GALNTL6: variants seen among roughly 807,000 people sequenced by gnomAD.
GALNTL6 encodes the protein polypeptide N-acetylgalactosaminyltransferase like 6, also known as polypeptide N-acetylgalactosaminyltransferase-like 6.
Under a neutral mutation model 73.7 loss-of-function variants are expected in GALNTL6, and 46 were observed. The ratio of observed to expected loss-of-function variants is 0.62; its 90% CI spans 0.49 to 0.80. GALNTL6 has a LOEUF of 0.80. GALNTL6 is among the 30% of genes least tolerant of loss of function. The pLI, the probability that GALNTL6 is intolerant of heterozygous loss-of-function variation, is 0.00. For synonymous variants in GALNTL6, 259 were observed against 263.7 expected, an observed-to-expected ratio of 0.98 and a Z score of 0.17; for missense variants, 604 against 755.0, an observed-to-expected ratio of 0.80 and a Z score of 2.34.
In GALNTL6 at chr4:171,943,593, T is replaced by A. The variant is rs548498746; in HGVS notation, c.138+128875T>A. 8.5e-5 allele frequency among the ~76,000 whole-genome samples: 13 copies of A among 152,332 alleles called. No homozygotes were observed. The South Asian group carries it at 1.7e-3, about 19-fold the overall frequency. ...GACCAACTAACTCTCAACTTACTTTTCTCAAGGCAATGTTATTGTAAAAGA... is the reference window on the plus strand; with the variant it reads ...GACCAACTAACTCTCAACTTACTTTACTCAAGGCAATGTTATTGTAAAAGA... On this transcript the variant is annotated intron_variant, in intron 2 of 12. Transcript: ENST00000506823.
At chr4:172,191,500 A>G (rs1399367916) in intron 2 of GALNTL6, among the ~76,000 whole-genome samples, 2 of 152,162 alleles carry the variant, frequency 1.3e-5, no homozygotes, top group Non-Finnish European at 1.5e-5. Context: ...CAAACCCCTC[A>G]GCTACTCTTA....
intron 5 of GALNTL6, among the ~76,000 whole-genome samples, chr4:172,454,843 C>T (rs1262921058): frequency 1.3e-5 from 2 of 152,222 alleles, no homozygotes; most frequent in Non-Finnish European, 2.9e-5. Flanking sequence ...CAAGTGACTT[C>T]ACAATAAGCC....
chr4:172,113,283 TCAGTG>T (rs1732904604), intron 2 of GALNTL6, among the ~76,000 whole-genome samples: 1 of 152,040 alleles, frequency 6.6e-6, no homozygotes, highest in Non-Finnish European at 1.5e-5. Flanking sequence ...ATTTAATCTA[TCAGTG>T]ATTAGCATTT....
intron 5 of GALNTL6, among the ~76,000 whole-genome samples, chr4:172,760,027 G>A (rs1183453388): frequency 6.6e-6 from 1 of 151,058 alleles, no homozygotes; most frequent in Non-Finnish European, 1.5e-5. Flanking sequence ...TAGTAGAGAC[G>A]GGGTTTCACC....
intron 5 of GALNTL6, among the ~76,000 whole-genome samples, chr4:172,502,151 T>C (rs1259538734): frequency 2.0e-5 from 3 of 152,194 alleles, no homozygotes; most frequent in African/African-American, 4.8e-5. Context: ...AAACTATTTG[T>C]ATCACAAATT....
chr4:172,564,035 A>T (rs917326006), intron 5 of GALNTL6, among the ~76,000 whole-genome samples: 4 of 152,178 alleles, frequency 2.6e-5, no homozygotes, highest in African/African-American at 9.6e-5. Context: ...TGATATTTAA[A>T]TTCCCTTGTG....
At chr4:171,850,106 C>T (rs1735477592) in intron 2 of GALNTL6, among the ~76,000 whole-genome samples, 1 of 152,178 alleles carries the variant, frequency 6.6e-6, no homozygotes, top group Non-Finnish European at 1.5e-5. Context: ...GCTGGAATTA[C>T]AGGCGCGTGC....
chr4:172,481,138 T>C (rs1335772765), intron 5 of GALNTL6, among the ~76,000 whole-genome samples: 1 of 152,136 alleles, frequency 6.6e-6, no homozygotes, highest in Non-Finnish European at 1.5e-5. Flanking sequence ...TTCTTCCTTC[T>C]GGTGGGTTCG....
chr4:172,724,905 A>G (rs899831910), intron 5 of GALNTL6, among the ~76,000 whole-genome samples: 1 of 152,170 alleles, frequency 6.6e-6, no homozygotes, highest in African/African-American at 2.4e-5. Flanking sequence ...AGGAGCTTGA[A>G]CATCATCAGG....
At position 172,447,244 on chromosome 4, in the gene GALNTL6, C is replaced by T. The variant is rs1184634974; in HGVS notation, c.553+98555C>T. 6.6e-5 allele frequency among the ~76,000 whole-genome samples: 10 copies of T among 152,128 alleles called. No homozygotes were observed. In the East Asian group the frequency reaches 1.9e-3, roughly 29 times the overall value. The stretch of plus-strand genomic sequence containing the variant: ...TCACAGAAATGTTCTTTCTTTCCTC[C>T]CTGCCTGCAGTGCCTTCACTTTGGC... On this transcript the variant is annotated intron_variant, in intron 5 of 12. Coordinates refer to ENST00000506823, the MANE Select transcript of GALNTL6 (RefSeq NM_001034845.3).
At chr4:172,599,404 T>C (rs758330946) in intron 5 of GALNTL6, among the ~76,000 whole-genome samples, 14 of 152,228 alleles carry the variant, frequency 9.2e-5, no homozygotes, top group Non-Finnish European at 1.6e-4. Context: ...AAAAAACGAC[T>C]TGATTGGTCT....
intron 7 of GALNTL6, among the ~76,000 whole-genome samples, chr4:172,826,870 C>CT (rs1249126623): frequency 2.6e-5 from 4 of 152,258 alleles, no homozygotes; most frequent in African/African-American, 9.6e-5. Flanking sequence ...ATTCAAAAGT[C>CT]TAACTCCATG....
At chr4:172,423,676 A>G (rs2111366866) in intron 5 of GALNTL6, among the ~76,000 whole-genome samples, 1 of 152,128 alleles carries the variant, frequency 6.6e-6, no homozygotes, top group African/African-American at 2.4e-5. Flanking sequence ...CTTACTTATA[A>G]TTTTTTCCTC....
At chr4:172,140,382 A>G (rs1418760617) in intron 2 of GALNTL6, among the ~76,000 whole-genome samples, 1 of 152,092 alleles carries the variant, frequency 6.6e-6, no homozygotes, top group African/African-American at 2.4e-5. Flanking sequence ...CCTCTCACAG[A>G]TAATATCAGA....
Position 172,220,326 on chromosome 4 carries a change from A to G in GALNTL6, c.139-9330A>G, listed in dbSNP as rs993779390. Among the ~76,000 whole-genome samples, 8 of 151,900 alleles carry G rather than the reference A, an allele frequency of 5.3e-5. No individual in the cohort carries two copies. The South Asian group carries it at 6.2e-4, about 12-fold the overall frequency. On this transcript the variant is annotated intron_variant, in intron 2 of 12. Transcript: ENST00000506823. ...GAGGGCTTCCTTCTACTTGAATATA[A>G]TGTCCCTCAGAACTGCTATTTCTTT... is the stretch of plus-strand genomic sequence containing the variant.
rs556320260 is a variant in GALNTL6, at chr4:171,941,647, A to G, written c.138+126929A>G. Reference sequence around the variant, plus strand: ...TAGATGGCCAGGGTTCTTCTGCTGTAGCTTGGCAGGTTTTCCTACCTTTGA... The same window carrying G: ...TAGATGGCCAGGGTTCTTCTGCTGTGGCTTGGCAGGTTTTCCTACCTTTGA... On this transcript the variant is annotated intron_variant, in intron 2 of 12. Transcript: ENST00000506823. Among the ~76,000 whole-genome samples, 10 of 152,216 alleles carry G rather than the reference A, an allele frequency of 6.6e-5. No individual in the cohort carries two copies. The East Asian group carries it at 1.4e-3, about 21-fold the overall frequency.
intron 2 of GALNTL6, among the ~76,000 whole-genome samples, chr4:171,903,433 G>T (rs9762646): frequency 0.29 from 43,387 of 151,710 alleles, 7,164 homozygotes; most frequent in African/African-American, 0.45. Context: ...GCGCTTTGCC[G>T]AAGGGCTTAA....
intron 2 of GALNTL6, among the ~76,000 whole-genome samples, chr4:171,821,049 T>C (rs1734665154): frequency 6.6e-6 from 1 of 152,194 alleles, no homozygotes; most frequent in African/African-American, 2.4e-5. Flanking sequence ...TATTTATTTT[T>C]CCCCAAGACA....
chr4:172,129,555 T>TA (rs1161992444), intron 2 of GALNTL6, among the ~76,000 whole-genome samples: 1 of 152,042 alleles, frequency 6.6e-6, no homozygotes, highest in Admixed American at 6.6e-5. Context: ...ACAAGCAAGA[T>TA]AAAAAACAGC....
Sources: allele counts gnomAD v4.1 joint callset (sites outside exome capture counted in the v4.1 genomes callset), GRCh38; gene constraint gnomAD v4.1.1; transcripts MANE v1.5; gene names NCBI Gene and HGNC (gene_info 2026-07-23, HGNC 2026-07-21).